NYAP2: variants seen among roughly 807,000 people sequenced by gnomAD.
NYAP2 encodes the protein neuronal tyrosine-phosphorylated phosphoinositide-3-kinase adapter 2.
Under a neutral mutation model 50.4 loss-of-function variants are expected in NYAP2, and 23 were observed. The ratio of observed to expected loss-of-function variants is 0.46; its 90% CI spans 0.33 to 0.65. NYAP2 has a LOEUF of 0.65. NYAP2 is among the 30% of genes least tolerant of loss of function. The pLI is 0.02. For synonymous variants in NYAP2, 394 were observed against 365.2 expected (o/e 1.08, Z -0.90); for missense variants, 885 against 861.0 (o/e 1.03, Z -0.35).
intron 4 of NYAP2, among the ~76,000 whole-genome samples, chr2:225,514,875 C>T (rs527479559): frequency 3.0e-4 from 45 of 152,278 alleles, no homozygotes; most frequent in Non-Finnish European, 4.6e-4. Context: ...ATATTTGCCG[C>T]AGAGAGCCAC....
intron 6 of NYAP2, among the ~76,000 whole-genome samples, chr2:225,628,766 G>A (rs563425592): frequency 5.9e-5 from 9 of 152,202 alleles, no homozygotes; most frequent in East Asian, 1.9e-4. Flanking sequence ...TTGAAAATAC[G>A]TGAACAATAT....
Position 225,427,526 on chromosome 2 carries a change from G to A in NYAP2, c.221+18425G>A, listed in dbSNP as rs188388629. Reference sequence around the variant, plus strand: ...TCCTGCAAGTTTAGCCTCTGCTCACGTCTGTGTCCTTTCCATCATTCACCA... The same window carrying A: ...TCCTGCAAGTTTAGCCTCTGCTCACATCTGTGTCCTTTCCATCATTCACCA... On this transcript the variant is annotated intron_variant, in intron 3 of 6. Transcript: ENST00000636099. 4.0e-3 allele frequency among the ~76,000 whole-genome samples: 609 copies of A among 152,272 alleles called. 2 individuals carry two copies. Among genetic ancestry groups the A allele is most frequent in the Middle Eastern group, 0.014 (4 of 294 alleles).
At chr2:225,519,776 G>A (rs1369748737) in intron 4 of NYAP2, among the ~76,000 whole-genome samples, 5 of 152,002 alleles carry the variant, frequency 3.3e-5, no homozygotes, top group African/African-American at 4.8e-5. Context: ...TAATCCTTTG[G>A]GTATATACCC....
At chr2:225,639,480 T>C (rs570557281) in intron 6 of NYAP2, among the ~76,000 whole-genome samples, 1 of 152,272 alleles carries the variant, frequency 6.6e-6, no homozygotes, top group South Asian at 2.1e-4. Flanking sequence ...TTTTTCTTTT[T>C]TTTTGGTGAT....
chr2:225,662,254 C>T, the NYAP2 span, among the ~76,000 whole-genome samples: 1 of 152,212 alleles, frequency 6.6e-6, no homozygotes, highest in Non-Finnish European at 1.5e-5. Context: ...TTCCATTCAT[C>T]GGTTATTACA....
At chr2:225,555,771 A>G (rs1691765405) in intron 4 of NYAP2, among the ~76,000 whole-genome samples, 1 of 152,230 alleles carries the variant, frequency 6.6e-6, no homozygotes, top group Admixed American at 6.5e-5. Flanking sequence ...TGAGGACAAT[A>G]GGAGTCCTAC....
chr2:225,677,003 G>T, the NYAP2 span, among the ~76,000 whole-genome samples: 1 of 152,084 alleles, frequency 6.6e-6, no homozygotes, highest in Non-Finnish European at 1.5e-5. Flanking sequence ...AGGCAGTATG[G>T]CCATTTTAAC....
At chr2:225,534,770 T>C (rs190018810) in intron 4 of NYAP2, among the ~76,000 whole-genome samples, 1 of 152,314 alleles carries the variant, frequency 6.6e-6, no homozygotes, top group African/African-American at 2.4e-5. Flanking sequence ...GAGAATTGTC[T>C]GGTAAAAAGT....
intron 4 of NYAP2, among the ~76,000 whole-genome samples, chr2:225,576,093 T>C (rs1420759154): frequency 6.6e-6 from 1 of 152,208 alleles, no homozygotes; most frequent in African/African-American, 2.4e-5. Flanking sequence ...AATAAAAATA[T>C]ACTTCAAAGT....
At chr2:225,598,443 T>G (rs1345324936) in intron 5 of NYAP2, among the ~76,000 whole-genome samples, 2 of 152,190 alleles carry the variant, frequency 1.3e-5, no homozygotes, top group Admixed American at 1.3e-4. Flanking sequence ...ATAATTAGTA[T>G]GTGGATGGAA....
the NYAP2 span, among the ~76,000 whole-genome samples, chr2:225,695,336 C>A: frequency 6.6e-6 from 1 of 151,556 alleles, no homozygotes; most frequent in African/African-American, 2.4e-5. Flanking sequence ...TTTGTGTAGA[C>A]AACTAAATAA....
chr2:225,602,223 C>T (rs546146342), intron 5 of NYAP2, among the ~76,000 whole-genome samples: 1 of 152,216 alleles, frequency 6.6e-6, no homozygotes, highest in Non-Finnish European at 1.5e-5. Context: ...GAAGGCTTCG[C>T]CTGGGACCAA....
chr2:225,581,747 A>G (rs1692272895), intron 4 of NYAP2, among the ~76,000 whole-genome samples, 194 bp from the exon 5 acceptor site: 1 of 152,190 alleles, frequency 6.6e-6, no homozygotes. Context: ...AAAGATGACT[A>G]TTATTCTGCC....
At position 225,583,012 on chromosome 2, in the gene NYAP2, G is replaced by A. The variant is rs1440269001; in HGVS notation, c.1595G>A (p.Arg532Gln). Residue 532 changes from arginine to glutamine, a missense_variant, in exon 5 of 7, where the codon CGG (arginine) becomes CAG (glutamine). Coordinates refer to ENST00000636099, the Ensembl canonical transcript of NYAP2. Reference sequence around the variant, plus strand: ...CTGCTGCGCAAGTCGTCCAGTGGCCGGCGCTCCAAAGAGCCTGCAGAGAGT... The same window carrying A: ...CTGCTGCGCAAGTCGTCCAGTGGCCAGCGCTCCAAAGAGCCTGCAGAGAGT... The A allele has an allele frequency of 2.5e-6, 4 of 1,611,600 alleles. No individual in the cohort carries two copies. Among genetic ancestry groups the A allele is most frequent in the East Asian group, 4.5e-5 (2 of 44,834 alleles).
intron 6 of NYAP2, among the ~76,000 whole-genome samples, chr2:225,644,361 G>A (rs1295514125): frequency 7.3e-5 from 11 of 151,032 alleles, no homozygotes; most frequent in Admixed American, 2.6e-4. Context: ...AGATGAGTAG[G>A]TTGCGAAAAT....
chr2:225,432,159 T>TTG (rs1689276740), intron 3 of NYAP2, among the ~76,000 whole-genome samples: 1 of 149,214 alleles, frequency 6.7e-6, no homozygotes, highest in African/African-American at 2.5e-5. Flanking sequence ...TTTTTTTTTT[T>TTG]TTTTTTTTGG....
intron 3 of NYAP2, among the ~76,000 whole-genome samples, chr2:225,496,928 T>G (rs1690517223): frequency 6.6e-6 from 1 of 152,142 alleles, no homozygotes; most frequent in African/African-American, 2.4e-5. Context: ...TTTTTTTTTA[T>G]TTTTAGATGC....
intron 6 of NYAP2, among the ~76,000 whole-genome samples, chr2:225,640,694 G>A (rs1391215757): frequency 6.6e-6 from 1 of 152,108 alleles, no homozygotes; most frequent in African/African-American, 2.4e-5. Context: ...CATATATAAA[G>A]CCATGAGGCT....
At chr2:225,577,401 T>C (rs1692185651) in intron 4 of NYAP2, among the ~76,000 whole-genome samples, 1 of 152,198 alleles carries the variant, frequency 6.6e-6, no homozygotes, top group South Asian at 2.1e-4. Context: ...AGCATCTATG[T>C]ATGTAACTCA....
Sources: gnomAD v4.1 joint callset for allele counts (sites outside exome capture counted in the v4.1 genomes callset) on GRCh38, gnomAD v4.1.1 for gene constraint, MANE v1.5 for transcripts, NCBI Gene and HGNC (gene_info 2026-07-23, HGNC 2026-07-21) for gene names.